Variants in CREB5 observed in about 807,000 individuals in gnomAD.
CREB5 encodes the protein cyclic AMP-responsive element-binding protein 5.
In CREB5, 19 loss-of-function variants were observed where a neutral mutation model predicts 57.1. That is an observed-to-expected ratio of 0.33 (90% CI 0.23 to 0.49). The LOEUF is 0.49. CREB5 is among the 20% of genes least tolerant of loss of function. CREB5 has a pLI of 0.99. For synonymous variants in CREB5, 238 were observed against 238.3 expected (o/e 1.00, Z 0.01); for missense variants, 579 against 671.6 (o/e 0.86, Z 1.52).
intron 1 of CREB5, among the ~76,000 whole-genome samples, chr7:28,364,242 G>C (rs1304701092): frequency 6.6e-6 from 1 of 152,180 alleles, no homozygotes; most frequent in Admixed American, 6.5e-5. Context: ...ACGAGAAAAT[G>C]CCAGCCTTAA....
intron 5 of CREB5, among the ~76,000 whole-genome samples, chr7:28,673,363 C>A (rs1800144259): frequency 6.6e-6 from 1 of 152,160 alleles, no homozygotes; most frequent in African/African-American, 2.4e-5. Flanking sequence ...CTCCTATTGT[C>A]CCCTGGAAAG....
At chr7:28,579,786 C>G (rs899333509) in intron 5 of CREB5, among the ~76,000 whole-genome samples, 2 of 152,120 alleles carry the variant, frequency 1.3e-5, no homozygotes, top group Non-Finnish European at 2.9e-5. Flanking sequence ...ATAACTGGAA[C>G]CTGGAAGAGC....
At chr7:28,570,739 TA>T (rs1418948766) in intron 5 of CREB5, among the ~76,000 whole-genome samples, 1 of 151,994 alleles carries the variant, frequency 6.6e-6, no homozygotes, top group Non-Finnish European at 1.5e-5. Flanking sequence ...CTTTGGGTGG[TA>T]GGGGTAGGGT....
In CREB5 at chr7:28,658,953, G is replaced by GTATATATATATATATATATGTGTGTA. The variant is rs1554281549; in HGVS notation, c.465-59781_465-59780insGTGTGTATATATATATATATATATAT. 5.0e-5 allele frequency among the ~76,000 whole-genome samples: 5 copies of GTATATATATATATATATATGTGTGTA among 99,584 alleles called. 1 individual carries two copies. The highest frequency in any genetic ancestry group is 1.6e-4 in the African/African-American group (5 of 30,440). The allele number at this position is 99,584 out of a possible 152,430, so 65.3% of individuals were successfully genotyped here. A position where few individuals can be genotyped will look rare whatever the true frequency, so the allele number is the denominator to read the frequency against. The stretch of plus-strand genomic sequence containing the variant: ...CACTAAATATTATATGTGTGTGTGT[G>GTATATATATATATATATATGTGTGTA]TATATATATATATATATATATATAT... On this transcript the variant is annotated intron_variant, in intron 5 of 10. Transcript: ENST00000357727.
intron 1 of CREB5, among the ~76,000 whole-genome samples, chr7:28,365,195 T>G (rs1786562079): frequency 6.6e-6 from 1 of 152,228 alleles, no homozygotes; most frequent in Non-Finnish European, 1.5e-5. Context: ...ACTCTATTAA[T>G]GTCATTGCAA....
At chr7:28,463,941 TA>T (rs1790453322) in intron 1 of CREB5, among the ~76,000 whole-genome samples, 1 of 152,200 alleles carries the variant, frequency 6.6e-6, no homozygotes. Context: ...TTGCCATGGC[TA>T]AAACCTTCAG....
intron 1 of CREB5, among the ~76,000 whole-genome samples, chr7:28,456,791 G>GCT (rs1473149595): frequency 6.6e-6 from 1 of 152,116 alleles, no homozygotes; most frequent in Non-Finnish European, 1.5e-5. Context: ...TTTTATTCTT[G>GCT]CTCTCTCTTT....
At chr7:28,357,561 A>G (rs767107966) in intron 1 of CREB5, among the ~76,000 whole-genome samples, 1 of 152,194 alleles carries the variant, frequency 6.6e-6, no homozygotes, top group Non-Finnish European at 1.5e-5. Context: ...CACTTAAGCA[A>G]TGAAGAAAAA....
In CREB5 at chr7:28,683,140, C is replaced by T. The variant is rs575299943; in HGVS notation, c.465-35613C>T. On this transcript the variant is annotated intron_variant, in intron 5 of 10. Transcript: ENST00000357727. The stretch of plus-strand genomic sequence containing the variant: ...CTGGAATTACAGCATCTTATGACTT[C>T]TATCTACGAAGCCCCCCTTCTTCAG... Among the ~76,000 whole-genome samples, 4 of 152,296 alleles carry T rather than the reference C, an allele frequency of 2.6e-5. No homozygotes were observed. In the South Asian group the frequency reaches 6.2e-4, roughly 24 times the overall value.
At chr7:28,707,405 G>A (rs922138407) in intron 5 of CREB5, among the ~76,000 whole-genome samples, 1 of 152,196 alleles carries the variant, frequency 6.6e-6, no homozygotes, top group African/African-American at 2.4e-5. Context: ...AAACAGAGGA[G>A]TTAGATGCCT....
At chr7:28,512,997 C>G (rs1444830161) in intron 4 of CREB5, among the ~76,000 whole-genome samples, 1 of 152,208 alleles carries the variant, frequency 6.6e-6, no homozygotes, top group Non-Finnish European at 1.5e-5. Flanking sequence ...GATCCCAGCT[C>G]AACAGGAGTC....
In CREB5 at chr7:28,672,925, T is replaced by C. The variant is rs113940940; in HGVS notation, c.465-45828T>C. Among the ~76,000 whole-genome samples, 6 of 152,356 alleles carry C rather than the reference T, an allele frequency of 3.9e-5. No homozygotes were observed. In the East Asian group the frequency reaches 5.8e-4, roughly 15 times the overall value. ...AGGGTATTTTCCTGTTCTTTTTCCA[T>C]AAATTTGAAGTAACCATTATGGCAT... On this transcript the variant is annotated intron_variant, in intron 5 of 10. Coordinates refer to ENST00000357727, the MANE Select transcript of CREB5 (RefSeq NM_182898.4).
intron 5 of CREB5, among the ~76,000 whole-genome samples, chr7:28,582,723 T>C (rs1796165324): frequency 6.6e-6 from 1 of 152,164 alleles, no homozygotes; most frequent in African/African-American, 2.4e-5. Flanking sequence ...TTAATTGTAC[T>C]GAAATTAGAC....
intron 1 of CREB5, among the ~76,000 whole-genome samples, chr7:28,390,375 A>G (rs1787192667): frequency 6.6e-6 from 1 of 152,214 alleles, no homozygotes; most frequent in Non-Finnish European, 1.5e-5. Flanking sequence ...TTCACAGAAA[A>G]CATTATTTCA....
At chr7:28,407,287 G>A (rs972955800) in intron 1 of CREB5, among the ~76,000 whole-genome samples, 8 of 152,116 alleles carry the variant, frequency 5.3e-5, no homozygotes, top group African/African-American at 1.9e-4. Context: ...CTGACCTCAG[G>A]TGATCCACCT....
chr7:28,497,741 T>C (rs147489308), intron 3 of CREB5, among the ~76,000 whole-genome samples: 16 of 152,298 alleles, frequency 1.1e-4, no homozygotes, highest in Middle Eastern at 6.8e-3. Flanking sequence ...TAATAGGCTA[T>C]TGTGTTGGGT....
At position 28,820,956 on chromosome 7, in the gene CREB5, T is replaced by C. The variant is rs1381745186; in HGVS notation, c.*1677T>C. The C allele has an allele frequency of 6.6e-6, 1 of 152,608 alleles. No homozygotes were observed. The allele number at this position is 152,608 out of a possible 1,614,324, so 9.5% of individuals were successfully genotyped here. On this transcript the variant is annotated 3_prime_UTR_variant, in exon 11 of 11. Transcript: ENST00000357727. ...TCAACAACTTTTGTGAACTTGCCCG[T>C]GATACAAAGCAGATAGTCCCTGAAC...
At chr7:28,812,061 A>G (rs538601433) in intron 9 of CREB5, among the ~76,000 whole-genome samples, 8 of 152,340 alleles carry the variant, frequency 5.3e-5, no homozygotes. Flanking sequence ...TCAGGAGCAC[A>G]TCTTCCAACT....
intron 1 of CREB5, among the ~76,000 whole-genome samples, chr7:28,401,982 A>G (rs913402817): frequency 1.1e-4 from 16 of 152,338 alleles, no homozygotes; most frequent in South Asian, 6.2e-4. Context: ...CTGAGGAATC[A>G]CCACACTGTC....
Sources: gnomAD v4.1 joint callset for allele counts (sites outside exome capture counted in the v4.1 genomes callset) on GRCh38, gnomAD v4.1.1 for gene constraint, MANE v1.5 for transcripts, NCBI Gene and HGNC (gene_info 2026-07-23, HGNC 2026-07-21) for gene names.